STRN: variants seen among roughly 807,000 people sequenced by gnomAD.
STRN encodes the protein striatin.
A neutral mutation model predicts 96.3 loss-of-function variants in STRN; 53 were observed. That is an observed-to-expected ratio of 0.55 (90% CI 0.44 to 0.69). STRN has a LOEUF of 0.69. STRN is among the 30% of genes least tolerant of loss of function. The pLI is 0.00. For synonymous variants in STRN, 428 were observed against 355.9 expected, an observed-to-expected ratio of 1.20 and a Z score of -2.28; for missense variants, 987 against 963.9, an observed-to-expected ratio of 1.02 and a Z score of -0.32.
intron 1 of STRN, among the ~76,000 whole-genome samples, chr2:36,928,058 A>G (rs1222552713): frequency 6.6e-6 from 1 of 152,200 alleles, no homozygotes; most frequent in Non-Finnish European, 1.5e-5. Flanking sequence ...GACTATGAGA[A>G]TAATGTCAAT....
intron 2 of STRN, among the ~76,000 whole-genome samples, chr2:36,919,594 CTT>C (rs1489635021): frequency 1.3e-5 from 2 of 152,088 alleles, no homozygotes; most frequent in Non-Finnish European, 2.9e-5. Context: ...CTGTGAAGAA[CTT>C]TACTAAGAAC....
intron 1 of STRN, among the ~76,000 whole-genome samples, chr2:36,957,750 T>TG (rs979799992): frequency 1.3e-4 from 10 of 77,668 alleles, no homozygotes; most frequent in African/African-American, 6.8e-4. Flanking sequence ...TTGTCTTTTT[T>TG]TTTTTTTTTT....
chr2:36,952,331 T>G (rs968804732), intron 1 of STRN, among the ~76,000 whole-genome samples: 1 of 151,906 alleles, frequency 6.6e-6, no homozygotes, highest in African/African-American at 2.4e-5. Flanking sequence ...TCCTTGTGCC[T>G]GGAAGTCAGA....
At chr2:36,927,530 G>GT (rs984187449) in intron 1 of STRN, among the ~76,000 whole-genome samples, 4 of 146,062 alleles carry the variant, frequency 2.7e-5, no homozygotes, top group Non-Finnish European at 6.1e-5. Flanking sequence ...AAAAAGGGGG[G>GT]GGGGGGTGGT....
At chr2:36,952,277 A>G (rs546901172) in intron 1 of STRN, among the ~76,000 whole-genome samples, 1 of 152,250 alleles carries the variant, frequency 6.6e-6, no homozygotes. Context: ...CTGGATAACA[A>G]TGCTTCTGCT....
chr2:36,939,311 T>C (rs1670784951), intron 1 of STRN, among the ~76,000 whole-genome samples: 1 of 152,146 alleles, frequency 6.6e-6, no homozygotes, highest in African/African-American at 2.4e-5. Flanking sequence ...GGATCTCCCG[T>C]TGCTTTTACA....
chr2:36,849,878 G>A lies in STRN; in HGVS notation c.2087-78C>T, dbSNP rs981337712. On this transcript the variant is annotated intron_variant, in intron 16 of 17. Transcript: ENST00000263918. ...ATTTGCCAGCTACCATGTCCTGCTG[G>A]TTTCTCCAGTCATCCCTCTCTGTGT... The A allele has an allele frequency of 8.1e-6, 11 of 1,361,914 alleles. No individual in the cohort carries two copies. The African/African-American group carries it at 1.6e-4, about 20-fold the overall frequency. The allele number at this position is 1,361,914 out of a possible 1,614,324, so 84.4% of individuals were successfully genotyped here. A position where few individuals can be genotyped will look rare whatever the true frequency, so the allele number is the denominator to read the frequency against.
At chr2:36,928,947 CA>C (rs57198345) in intron 1 of STRN, among the ~76,000 whole-genome samples, 10,347 of 68,032 alleles carry the variant, frequency 0.15, 316 homozygotes, top group East Asian at 0.24. Context: ...GACTCCGTCT[CA>C]AAAAAAAAAA....
At chr2:36,894,711 C>T (rs1669493472) in intron 6 of STRN, among the ~76,000 whole-genome samples, 1 of 152,150 alleles carries the variant, frequency 6.6e-6, no homozygotes, top group Non-Finnish European at 1.5e-5. Context: ...TCATGCAAAA[C>T]AGAAATAACA....
intron 14 of STRN, among the ~76,000 whole-genome samples, chr2:36,857,087 C>CT (rs149907998): frequency 0.092 from 13,170 of 142,994 alleles, 640 homozygotes; most frequent in African/African-American, 0.13. Flanking sequence ...CAAATATAGT[C>CT]TTTTTTTTTT....
At chr2:36,880,597 T>C (rs1669043940) in intron 9 of STRN, among the ~76,000 whole-genome samples, 1 of 152,144 alleles carries the variant, frequency 6.6e-6, no homozygotes. Context: ...AAATACCATA[T>C]ATCATCCGAG....
chr2:36,936,627 A>T (rs1670708393), intron 1 of STRN, among the ~76,000 whole-genome samples: 1 of 152,212 alleles, frequency 6.6e-6, no homozygotes, highest in East Asian at 1.9e-4. Context: ...ACAATGATGA[A>T]GCCAACAGAA....
chr2:36,890,097 CAGAG>C (rs1435679716), intron 7 of STRN, among the ~76,000 whole-genome samples: 1 of 152,202 alleles, frequency 6.6e-6, no homozygotes. Flanking sequence ...TGTGATTCCT[CAGAG>C]AAAGACCTCA....
rs1158709835 is a variant in STRN at position 36,957,742 on chromosome 2, G to GTTTTTTT, written c.234+8487_234+8488insAAAAAAA. Among the ~76,000 whole-genome samples the GTTTTTTT allele has an allele frequency of 3.1e-3, 322 of 103,092 alleles. 43 individuals carry two copies. The highest frequency in any genetic ancestry group is 3.8e-3 in the Non-Finnish European group (194 of 51,638). The allele number at this position is 103,092 out of a possible 152,430, so 67.6% of individuals were successfully genotyped here. ...GATTAGTCTCATAGTTCTTCTTTTT[G>GTTTTTTT]TCTTTTTTTTTTTTTTTTTTTTTTT... On this transcript the variant is annotated intron_variant, in intron 1 of 17. Coordinates refer to ENST00000263918, the MANE Select transcript of STRN (RefSeq NM_003162.4).
chr2:36,964,185 C>T (rs3856496), intron 1 of STRN, among the ~76,000 whole-genome samples: 13 of 78,362 alleles, frequency 1.7e-4, no homozygotes, highest in African/African-American at 2.4e-4. Flanking sequence ...CGGGGCGGGG[C>T]GGGGGGAAGG....
chr2:36,923,486 T>C (rs1437017341), intron 2 of STRN, among the ~76,000 whole-genome samples: 2 of 151,018 alleles, frequency 1.3e-5, no homozygotes, highest in East Asian at 1.9e-4. Flanking sequence ...TCCCAAATTA[T>C]GTACTTTTAA....
At chr2:36,877,223 T>TG (rs1310314899) in intron 10 of STRN, among the ~76,000 whole-genome samples, 1 of 152,198 alleles carries the variant, frequency 6.6e-6, no homozygotes, top group Non-Finnish European at 1.5e-5. Context: ...GGATATTGAC[T>TG]AGTGTACTAA....
intron 3 of STRN, among the ~76,000 whole-genome samples, chr2:36,907,965 A>G (rs929666340): frequency 1.3e-5 from 2 of 152,148 alleles, no homozygotes; most frequent in Non-Finnish European, 2.9e-5. Context: ...TTACTCTGTG[A>G]TAACTTCAAA....
chr2:36,922,782 T>G (rs1670295831), intron 2 of STRN, among the ~76,000 whole-genome samples: 1 of 151,996 alleles, frequency 6.6e-6, no homozygotes, highest in South Asian at 2.1e-4. Flanking sequence ...ACAAACACCT[T>G]CTTATTTGAT....
Sources: gnomAD v4.1 joint callset for allele counts (sites outside exome capture counted in the v4.1 genomes callset) on GRCh38, gnomAD v4.1.1 for gene constraint, MANE v1.5 for transcripts, NCBI Gene and HGNC (gene_info 2026-07-23, HGNC 2026-07-21) for gene names.